MATN2: variants seen among roughly 807,000 people sequenced by gnomAD.
MATN2 encodes the protein matrilin 2, also known as matrilin-2.
A neutral mutation model predicts 103.2 loss-of-function variants in MATN2; 69 were observed. The observed-to-expected ratio is 0.67, with a 90% CI of 0.55 to 0.82. MATN2 has a LOEUF of 0.82. Ranked by LOEUF, MATN2 falls within the 40% of genes least tolerant of loss-of-function variation. The pLI is 0.00. For missense variants in MATN2, 1,023 were observed against 1,211.5 expected (o/e 0.84, Z 2.31); for synonymous variants, 429 against 450.2 (o/e 0.95, Z 0.60).
In MATN2 at chr8:97,951,148, C is replaced by T. The variant is rs150666841; in HGVS notation, c.835+9249C>T. Among the ~76,000 whole-genome samples the T allele has an allele frequency of 4.6e-5, 7 of 152,286 alleles. No individual in the cohort carries two copies. The East Asian group carries it at 5.8e-4, about 13-fold the overall frequency. On this transcript the variant is annotated intron_variant, in intron 4 of 18. Transcript: ENST00000254898. ...CCGAAGCAGTGGGCTTGCTAAATGC[C>T]GTCATCCAGCTTCCCCTTGACCCTG...
chr8:98,008,764 T>C (rs1019286310), intron 10 of MATN2, among the ~76,000 whole-genome samples: 1 of 152,138 alleles, frequency 6.6e-6, no homozygotes, highest in Non-Finnish European at 1.5e-5. Context: ...TGTAAGGGGT[T>C]TGTTGGTTTG....
chr8:97,997,186 A>AG (rs903061276), intron 7 of MATN2, among the ~76,000 whole-genome samples: 11 of 152,234 alleles, frequency 7.2e-5, no homozygotes, highest in African/African-American at 2.7e-4. Flanking sequence ...GCTGGGCTCC[A>AG]GGATCCCTGA....
chr8:98,032,023 C>T (rs766629838), intron 15 of MATN2: 17 of 375,802 alleles, frequency 4.5e-5, no homozygotes, highest in Middle Eastern at 6.9e-4. Context: ...TTAAGATGTA[C>T]TTAGGGGGTC....
chr8:98,010,509 T>C (rs1171598439), intron 10 of MATN2, among the ~76,000 whole-genome samples: 14 of 152,166 alleles, frequency 9.2e-5, no homozygotes, highest in Admixed American at 9.2e-4. Context: ...ACTGTGTGGT[T>C]CAGGGAGACT....
At chr8:97,983,715 G>T (rs1036678264) in intron 6 of MATN2, among the ~76,000 whole-genome samples, 3 of 152,162 alleles carry the variant, frequency 2.0e-5, no homozygotes, top group African/African-American at 7.2e-5. Flanking sequence ...GTAATAACTT[G>T]GTTGACATTT....
At chr8:97,952,494 C>A (rs1222213198) in intron 4 of MATN2, among the ~76,000 whole-genome samples, 4 of 152,120 alleles carry the variant, frequency 2.6e-5, no homozygotes, top group Non-Finnish European at 5.9e-5. Flanking sequence ...TGCCTCCTTC[C>A]GGTGTAAGCA....
intron 2 of MATN2, among the ~76,000 whole-genome samples, chr8:97,915,352 C>A (rs1363523027): frequency 1.3e-5 from 2 of 152,120 alleles, no homozygotes; most frequent in Non-Finnish European, 2.9e-5. Flanking sequence ...TAAGCTCCTC[C>A]CAGGCTGAGA....
chr8:97,910,457 G>A (rs1197662906), intron 2 of MATN2, among the ~76,000 whole-genome samples: 1 of 152,164 alleles, frequency 6.6e-6, no homozygotes, highest in Non-Finnish European at 1.5e-5. Context: ...ATCATCCAGG[G>A]GAGGGATGAT....
intron 16 of MATN2, among the ~76,000 whole-genome samples, chr8:98,032,780 C>A (rs1422056173): frequency 1.3e-5 from 2 of 152,300 alleles, no homozygotes; most frequent in Middle Eastern, 3.4e-3. Flanking sequence ...GATCCACCCA[C>A]CTTGGCCTCC....
chr8:97,871,691 T>C (rs1256956319), intron 1 of MATN2, among the ~76,000 whole-genome samples: 1 of 151,986 alleles, frequency 6.6e-6, no homozygotes, highest in Non-Finnish European at 1.5e-5. Context: ...GCCAGGGAGG[T>C]CCTTCCAAGG....
intron 11 of MATN2, 106 bp downstream of exon 11, chr8:98,016,768 C>G (rs2130417062): frequency 1.5e-6 from 2 of 1,354,284 alleles, no homozygotes; most frequent in Non-Finnish European, 2.1e-6. Context: ...CAATGCCACA[C>G]AGCAAAATGT....
At position 98,018,003 on chromosome 8, in the gene MATN2, T is replaced by A; in HGVS notation, c.1706T>A (p.Val569Asp). The A allele has an allele frequency of 6.2e-7, 1 of 1,613,574 alleles. No individual in the cohort carries two copies. The highest frequency in any genetic ancestry group is 2.2e-5 in the East Asian group (1 of 44,872). Reference sequence around the variant, plus strand: ...GCTCTCCTGTCTTCAGGGAAAGATGTCTGCCAAGCTATAGACCATGGCTGT... The same window carrying A: ...GCTCTCCTGTCTTCAGGGAAAGATGACTGCCAAGCTATAGACCATGGCTGT... ...EDGKTCRRKD[V>D]CQAIDHGCEH... is the part of the protein sequence containing the mutation. The change falls in exon 12 of 19, where the codon GTC becomes GAC. Residue 569 changes from valine (V) to aspartate (D), a missense_variant. Coordinates refer to ENST00000254898, the MANE Select transcript of MATN2 (RefSeq NM_002380.5).
At position 97,878,931 on chromosome 8, in the gene MATN2, A is replaced by ACTT. The variant is rs1316303934; in HGVS notation, c.-26-9144_-26-9143insCTT. ...TCAGGCAAACATAGTACGTAGAGGA[A>ACTT]GACATGGACTTGACTTTGGTACTTT... On this transcript the variant is annotated intron_variant, in intron 1 of 18. Coordinates refer to ENST00000254898, the MANE Select transcript of MATN2 (RefSeq NM_002380.5). 2.0e-5 allele frequency among the ~76,000 whole-genome samples: 3 copies of ACTT among 152,360 alleles called. No individual in the cohort carries two copies. In the East Asian group the frequency reaches 5.8e-4, roughly 29 times the overall value.
intron 7 of MATN2, among the ~76,000 whole-genome samples, chr8:98,002,086 C>CTCTCCA (rs1812808311): frequency 1.3e-5 from 2 of 152,236 alleles, no homozygotes. Context: ...CTCATAAAGC[C>CTCTCCA]TCTCCACAAG....
chr8:97,943,373 C>T (rs1454880295), intron 4 of MATN2, among the ~76,000 whole-genome samples: 2 of 151,998 alleles, frequency 1.3e-5, no homozygotes, highest in Non-Finnish European at 2.9e-5. Flanking sequence ...TTGCCCACTC[C>T]CTTCCTGCCC....
chr8:97,879,362 T>C (rs533515458), intron 1 of MATN2, among the ~76,000 whole-genome samples: 1 of 152,098 alleles, frequency 6.6e-6, no homozygotes, highest in Non-Finnish European at 1.5e-5. Flanking sequence ...GGGGCCACCA[T>C]GGTCAGAGAG....
chr8:97,927,055 T>G (rs990813918), intron 2 of MATN2, among the ~76,000 whole-genome samples: 2 of 152,224 alleles, frequency 1.3e-5, no homozygotes, highest in African/African-American at 4.8e-5. Context: ...AGGGAGCTTG[T>G]TAGAAATGGA....
chr8:97,882,336 T>C (rs1437759101), intron 1 of MATN2, among the ~76,000 whole-genome samples: 1 of 152,074 alleles, frequency 6.6e-6, no homozygotes, highest in East Asian at 1.9e-4. Flanking sequence ...ATATTTCTAC[T>C]TAAAGGAACT....
chr8:97,954,979 G>A (rs746557468), intron 4 of MATN2, among the ~76,000 whole-genome samples: 1 of 152,214 alleles, frequency 6.6e-6, no homozygotes, highest in Admixed American at 6.5e-5. Flanking sequence ...GGAGGTATGA[G>A]AGTTAGGTAG....
Sources: allele counts gnomAD v4.1 joint callset (sites outside exome capture counted in the v4.1 genomes callset), GRCh38; gene constraint gnomAD v4.1.1; transcripts MANE v1.5; gene names NCBI Gene and HGNC (gene_info 2026-07-23, HGNC 2026-07-21).